DCT: variants seen among roughly 807,000 people sequenced by gnomAD.
The protein encoded by DCT is L-dopachrome tautomerase.
A neutral mutation model predicts 53.0 loss-of-function variants in DCT; 47 were observed. That is an observed-to-expected ratio of 0.89 (90% CI 0.70 to 1.13). The LOEUF (loss-of-function observed/expected upper bound fraction) is 1.13. Among genes scored for constraint, DCT ranks in the 50% most tolerant of loss-of-function variants. The pLI, the probability that DCT is intolerant of heterozygous loss-of-function variation, is 0.00. For missense variants in DCT, 669 were observed against 637.4 expected, an observed-to-expected ratio of 1.05 and a Z score of -0.53; for synonymous variants, 244 against 237.0, an observed-to-expected ratio of 1.03 and a Z score of -0.27.
chr13:94,445,396 C>G (rs1432356114), intron 6 of DCT, among the ~76,000 whole-genome samples: 1 of 152,172 alleles, frequency 6.6e-6, no homozygotes, highest in Non-Finnish European at 1.5e-5. Context: ...CCTGAGGCAG[C>G]CATGCTGTGA....
the DCT span, among the ~76,000 whole-genome samples, chr13:94,505,395 G>A: frequency 6.6e-6 from 1 of 152,028 alleles, no homozygotes; most frequent in Non-Finnish European, 1.5e-5. Flanking sequence ...CCAAGTGCAG[G>A]CTATTTCTAG....
intron 6 of DCT, among the ~76,000 whole-genome samples, chr13:94,451,467 T>A (rs945620452): frequency 6.6e-6 from 1 of 152,238 alleles, no homozygotes; most frequent in Non-Finnish European, 1.5e-5. Context: ...GGGAGATTTT[T>A]GAATAGGAAA....
chr13:94,477,937 G>C (rs959795134), intron 1 of DCT, among the ~76,000 whole-genome samples: 1 of 152,138 alleles, frequency 6.6e-6, no homozygotes, highest in Non-Finnish European at 1.5e-5. Flanking sequence ...TTCCCGAAGG[G>C]CATATGGCTG....
chr13:94,521,822 A>G, the DCT span, among the ~76,000 whole-genome samples: 4 of 152,238 alleles, frequency 2.6e-5, no homozygotes, highest in Non-Finnish European at 1.5e-5. Flanking sequence ...AGTATGTTCA[A>G]AGAGTTGTGA....
At chr13:94,481,633 G>A (rs1356710557), upstream of DCT, among the ~76,000 whole-genome samples, 1 of 152,154 alleles carries the variant, frequency 6.6e-6, no homozygotes, top group Non-Finnish European at 1.5e-5. Context: ...AGATAACTCA[G>A]CTAGTCTGAG....
At chr13:94,512,848 C>T in the DCT span, among the ~76,000 whole-genome samples, 1 of 152,150 alleles carries the variant, frequency 6.6e-6, no homozygotes, top group Non-Finnish European at 1.5e-5. Flanking sequence ...TATCCAGACC[C>T]ATGAGAACTT....
At chr13:94,449,705 C>T (rs1193404788) in intron 6 of DCT, among the ~76,000 whole-genome samples, 1 of 152,158 alleles carries the variant, frequency 6.6e-6, no homozygotes, top group African/African-American at 2.4e-5. Flanking sequence ...ATGGTCATTC[C>T]TAAAAAATAT....
At chr13:94,465,553 T>C in intron 4 of DCT, 80 bp downstream of exon 4, 2 of 1,375,590 alleles carry the variant, frequency 1.5e-6, no homozygotes, top group Non-Finnish European at 2.0e-6. Context: ...GAAACAGCAC[T>C]ATAAAGTGAC....
chr13:94,445,675 C>T, intron 6 of DCT: 1 of 1,359,894 alleles, frequency 7.4e-7, no homozygotes, highest in South Asian at 1.3e-5. Context: ...ATAAACACAA[C>T]AAAGGAAAAA....
intron 4 of DCT, among the ~76,000 whole-genome samples, chr13:94,464,868 C>T (rs1306320620): frequency 6.6e-6 from 1 of 152,136 alleles, no homozygotes; most frequent in South Asian, 2.1e-4. Flanking sequence ...GATCATCCTT[C>T]CCCGGCTGGC....
chr13:94,519,975 A>C, the DCT span, among the ~76,000 whole-genome samples: 1 of 152,356 alleles, frequency 6.6e-6, no homozygotes, highest in African/African-American at 2.4e-5. Flanking sequence ...AGTGGTCCCT[A>C]TCTGACTCTA....
At chr13:94,539,809 A>G in the DCT span, among the ~76,000 whole-genome samples, 1 of 138,048 alleles carries the variant, frequency 7.2e-6, no homozygotes, top group Non-Finnish European at 1.5e-5. Context: ...AATCGGTGAG[A>G]AAAAAAAAGG....
the DCT span, among the ~76,000 whole-genome samples, chr13:94,537,928 A>G: frequency 6.6e-6 from 1 of 152,226 alleles, no homozygotes; most frequent in Non-Finnish European, 1.5e-5. Context: ...GCAGGATGAA[A>G]AAAGAGGAGA....
At chr13:94,500,950 T>C in the DCT span, among the ~76,000 whole-genome samples, 1 of 152,210 alleles carries the variant, frequency 6.6e-6, no homozygotes, top group Non-Finnish European at 1.5e-5. Context: ...ACTGCCATCC[T>C]CACACAGTGA....
At chr13:94,472,384 A>T (rs1426204176) in intron 1 of DCT, among the ~76,000 whole-genome samples, 2 of 151,556 alleles carry the variant, frequency 1.3e-5, no homozygotes, top group African/African-American at 4.9e-5. Flanking sequence ...ACTGCTCTAA[A>T]GTCTATTAAA....
chr13:94,479,023 C>T lies in DCT; in HGVS notation c.233G>A (p.Arg78Gln), dbSNP rs901996186. The stretch of plus-strand genomic sequence containing the variant: ...CCACAGCTCACGGTCATCCTGGTTT[C>T]GTAGGATGTAGGGACCACTCCAGGG... ...TRPWSGPYILRNQDDRELWPR... is the reference protein window; with the variant it reads ...TRPWSGPYILQNQDDRELWPR... The change falls in exon 1 of 8, where the codon CGA becomes CAA. Residue 78 changes from arginine (R) to glutamine (Q), a missense_variant. Physicochemically the swap from Arg to Gln is conservative, Grantham distance 43. Coordinates refer to ENST00000377028, the MANE Select transcript of DCT (RefSeq NM_001922.5). 24 of 1,613,902 alleles carry T rather than the reference C, an allele frequency of 1.5e-5. No individual in the cohort carries two copies. The highest frequency in any genetic ancestry group is 1.6e-4 in the Middle Eastern group (1 of 6,084).
At chr13:94,500,553 G>A in the DCT span, among the ~76,000 whole-genome samples, 1 of 152,216 alleles carries the variant, frequency 6.6e-6, no homozygotes, top group South Asian at 2.1e-4. Flanking sequence ...CTGCTTCTAA[G>A]AGTTTGATGT....
At chr13:94,526,984 C>T in the DCT span, among the ~76,000 whole-genome samples, 1 of 152,170 alleles carries the variant, frequency 6.6e-6, no homozygotes, top group East Asian at 1.9e-4. Context: ...GTGCCTGGCT[C>T]GGTGGGTGCC....
At chr13:94,464,152 T>C (rs556255331) in intron 4 of DCT, among the ~76,000 whole-genome samples, 2 of 152,340 alleles carry the variant, frequency 1.3e-5, no homozygotes, top group South Asian at 4.1e-4. Flanking sequence ...GGAGCACTGT[T>C]CTGAGCACTG....
Sources: allele counts gnomAD v4.1 joint callset (sites outside exome capture counted in the v4.1 genomes callset), GRCh38; gene constraint gnomAD v4.1.1; transcripts MANE v1.5; gene names NCBI Gene and HGNC (gene_info 2026-07-23, HGNC 2026-07-21).